The following ENPP6 variants were observed in gnomAD, a reference collection of about 807,000 sequenced individuals.
ENPP6 encodes ectonucleotide pyrophosphatase/phosphodiesterase 6.
In ENPP6, 32 loss-of-function variants were observed where a neutral mutation model predicts 42.0. The ratio of observed to expected loss-of-function variants is 0.76; its 90% CI spans 0.58 to 1.02. ENPP6 has a LOEUF of 1.02. ENPP6 is among the 50% of genes least tolerant of loss of function. The pLI, the probability that ENPP6 is intolerant of heterozygous loss-of-function variation, is 0.00. For missense variants in ENPP6, 552 were observed against 566.8 expected, an observed-to-expected ratio of 0.97 and a Z score of 0.27; for synonymous variants, 213 against 216.0, an observed-to-expected ratio of 0.99 and a Z score of 0.12.
intron 1 of ENPP6, among the ~76,000 whole-genome samples, chr4:184,188,275 T>A (rs760116934): frequency 3.9e-5 from 6 of 152,230 alleles, no homozygotes; most frequent in Admixed American, 6.5e-5. Context: ...TTTCTCTTTA[T>A]GAAAAACATC....
intron 1 of ENPP6, among the ~76,000 whole-genome samples, chr4:184,165,535 C>T (rs1355245387): frequency 6.6e-6 from 1 of 152,244 alleles, no homozygotes; most frequent in Admixed American, 6.5e-5. Flanking sequence ...TTCTGAGACT[C>T]TCAGCAAAGT....
At chr4:184,179,715 A>G (rs944806876) in intron 1 of ENPP6, among the ~76,000 whole-genome samples, 2 of 152,162 alleles carry the variant, frequency 1.3e-5, no homozygotes, top group Non-Finnish European at 2.9e-5. Context: ...ATATTAAGAA[A>G]CTCGCTCAAA....
At chr4:184,131,339 TTTCTTTCTTTTCTTTC>T (rs1736629840) in intron 2 of ENPP6, among the ~76,000 whole-genome samples, 1 of 141,250 alleles carries the variant, frequency 7.1e-6, no homozygotes, top group Non-Finnish European at 1.6e-5. Flanking sequence ...TTCTTCTTTC[TTTCTTTCTTTTCTTTC>T]TTCTTTCTTT....
Position 184,097,256 on chromosome 4 carries a change from G to T in ENPP6, c.1106C>A (p.Ala369Asp), listed in dbSNP as rs1016747649. Residue 369 changes from alanine (A) to aspartate (D), a missense_variant, in exon 7 of 8, where the codon GCC becomes GAC. This residue lies in a region of ENPP6 where 545 missense variants were observed against 546.3 expected (regional missense o/e 1.00). Transcript: ENST00000296741. ...ELMDMRGIFL[A>D]FGPDFKSNFR... is the part of the protein sequence containing the mutation. The stretch of plus-strand genomic sequence containing the variant: ...ATTTCCTCGCCTACCAGGTCCGAAG[G>T]CCAGGAAGATGCCCCGCATGTCCAT... 1 of 1,614,158 alleles carries T rather than the reference G, an allele frequency of 6.2e-7. No homozygotes were observed. The highest frequency in any genetic ancestry group is 1.3e-5 in the African/African-American group (1 of 75,046).
intron 1 of ENPP6, among the ~76,000 whole-genome samples, chr4:184,169,860 C>A (rs930411338): frequency 6.6e-6 from 1 of 152,212 alleles, no homozygotes; most frequent in Non-Finnish European, 1.5e-5. Flanking sequence ...TATTCGAATG[C>A]ACAAAACAGT....
chr4:184,151,077 C>A (rs1320277413), intron 2 of ENPP6, among the ~76,000 whole-genome samples: 2 of 152,222 alleles, frequency 1.3e-5, no homozygotes, highest in African/African-American at 4.8e-5. Context: ...GTGGCTCATG[C>A]CTATAATCCC....
intron 1 of ENPP6, among the ~76,000 whole-genome samples, chr4:184,202,353 G>A (rs1732917178): frequency 1.3e-5 from 2 of 152,130 alleles, no homozygotes; most frequent in East Asian, 3.9e-4. Context: ...CCTCATGGGT[G>A]CCCTTCAAAT....
At chr4:184,180,989 A>T (rs1389588545) in intron 1 of ENPP6, among the ~76,000 whole-genome samples, 3 of 152,324 alleles carry the variant, frequency 2.0e-5, no homozygotes, top group African/African-American at 7.2e-5. Flanking sequence ...TAGTCAACAT[A>T]GTATTGGAAG....
chr4:184,098,183 G>T (rs1226461616), intron 6 of ENPP6, among the ~76,000 whole-genome samples: 1 of 152,220 alleles, frequency 6.6e-6, no homozygotes, highest in East Asian at 1.9e-4. Context: ...CTGAAGTAGG[G>T]TCATGTGACC....
At chr4:184,116,788 AGAC>A in intron 5 of ENPP6, 65 bp downstream of exon 5, 4 of 1,567,488 alleles carry the variant, frequency 2.6e-6, no homozygotes, top group Non-Finnish European at 2.6e-6. Context: ...TACAAGGAAA[AGAC>A]AGTGCAGATG....
intron 2 of ENPP6, among the ~76,000 whole-genome samples, chr4:184,131,824 C>T (rs574704727): frequency 1.1e-3 from 149 of 140,458 alleles, no homozygotes; most frequent in African/African-American, 4.3e-3. Context: ...CACACACACA[C>T]ATATATATAT....
Position 184,129,412 on chromosome 4 carries a change from T to C in ENPP6, c.422-5140A>G, listed in dbSNP as rs532918932. 1.4e-4 allele frequency among the ~76,000 whole-genome samples: 21 copies of C among 152,260 alleles called. No homozygotes were observed. The South Asian group carries it at 3.9e-3, about 29-fold the overall frequency. On this transcript the variant is annotated intron_variant, in intron 2 of 7. Coordinates refer to ENST00000296741, the MANE Select transcript of ENPP6 (RefSeq NM_153343.4). ...TGTTCTGTGTTTTTAAAAAAATGCTTATTAGCATTCCATAAGTACGTTTCA... is the reference window on the plus strand; with the variant it reads ...TGTTCTGTGTTTTTAAAAAAATGCTCATTAGCATTCCATAAGTACGTTTCA...
intron 1 of ENPP6, among the ~76,000 whole-genome samples, chr4:184,209,053 CAGAA>C: frequency 6.8e-6 from 1 of 147,204 alleles, no homozygotes; most frequent in Non-Finnish European, 1.5e-5. Context: ...AACTAACAAA[CAGAA>C]AGGACATCCA....
chr4:184,136,107 A>T (rs1736726604), intron 2 of ENPP6, among the ~76,000 whole-genome samples: 1 of 151,740 alleles, frequency 6.6e-6, no homozygotes, highest in Non-Finnish European at 1.5e-5. Context: ...TTCCTCTATT[A>T]GTTTGCTATT....
chr4:184,153,852 T>A, intron 1 of ENPP6, 119 bp from the exon 2 acceptor site: 2 of 1,179,324 alleles, frequency 1.7e-6, no homozygotes, highest in Non-Finnish European at 2.3e-6. Context: ...AGCATAAAGA[T>A]TTGCTTTTGA....
intron 1 of ENPP6, among the ~76,000 whole-genome samples, chr4:184,202,817 C>T (rs1486493623): frequency 1.3e-5 from 2 of 152,220 alleles, no homozygotes; most frequent in African/African-American, 4.8e-5. Flanking sequence ...AACAACATAA[C>T]TCAGCCTCAC....
At chr4:184,208,834 G>A (rs1561012755) in intron 1 of ENPP6, among the ~76,000 whole-genome samples, 1 of 141,104 alleles carries the variant, frequency 7.1e-6, no homozygotes, top group Non-Finnish European at 1.6e-5. Flanking sequence ...AGACTTAAAT[G>A]TCCCTGTCAG....
At chr4:184,214,853 G>A (rs1733173190) in intron 1 of ENPP6, among the ~76,000 whole-genome samples, 1 of 152,160 alleles carries the variant, frequency 6.6e-6, no homozygotes, top group Non-Finnish European at 1.5e-5. Flanking sequence ...CACAGGGAGG[G>A]AGAGCATTAG....
At chr4:184,209,011 C>G (rs13127605) in intron 1 of ENPP6, among the ~76,000 whole-genome samples, 18 of 136,674 alleles carry the variant, frequency 1.3e-4, no homozygotes, top group Non-Finnish European at 6.4e-5. Flanking sequence ...TCCAACAGAC[C>G]TGCAGCTGAG....
Sources: gnomAD v4.1 joint callset for allele counts (sites outside exome capture counted in the v4.1 genomes callset) on GRCh38, gnomAD v4.1.1 for gene constraint, gnomAD v4.1.1 regional missense constraint, MANE v1.5 for transcripts, NCBI Gene and HGNC (gene_info 2026-07-23, HGNC 2026-07-21) for gene names.